The following SCAI variants were observed in gnomAD, a reference collection of about 807,000 sequenced individuals.
SCAI encodes protein SCAI.
Under a neutral mutation model 92.2 loss-of-function variants are expected in SCAI, and 24 were observed. The ratio of observed to expected loss-of-function variants is 0.26; its 90% CI spans 0.19 to 0.37. The LOEUF (loss-of-function observed/expected upper bound fraction) is 0.37. Ranked by LOEUF, SCAI falls within the 10% of genes least tolerant of loss-of-function variation. The pLI is 1.00. For missense variants in SCAI, 450 were observed against 736.2 expected (o/e 0.61, Z 4.50); for synonymous variants, 261 against 258.6 (o/e 1.01, Z -0.09).
intron 2 of SCAI, among the ~76,000 whole-genome samples, chr9:125,095,407 G>T (rs1173012922): frequency 6.6e-6 from 1 of 152,124 alleles, no homozygotes; most frequent in Non-Finnish European, 1.5e-5. Context: ...TGATAGTTAA[G>T]ACAAAAAATA....
At chr9:124,967,791 T>C (rs1393640656) in intron 17 of SCAI, among the ~76,000 whole-genome samples, 2 of 152,352 alleles carry the variant, frequency 1.3e-5, no homozygotes, top group Admixed American at 1.3e-4. Flanking sequence ...TGAATTGCTT[T>C]TGACACTTCA....
At chr9:125,078,409 T>A (rs949111893) in intron 2 of SCAI, among the ~76,000 whole-genome samples, 3 of 151,970 alleles carry the variant, frequency 2.0e-5, no homozygotes, top group Non-Finnish European at 2.9e-5. Flanking sequence ...ATGCCTGTAA[T>A]CCCAGCTACT....
At chr9:125,023,669 A>G (rs957780962) in intron 6 of SCAI, among the ~76,000 whole-genome samples, 1 of 139,688 alleles carries the variant, frequency 7.2e-6, no homozygotes, top group African/African-American at 2.7e-5. Flanking sequence ...TTGAAAATGT[A>G]AAAAAAAAAA....
At chr9:125,134,296 T>A (rs185056020) in intron 2 of SCAI, among the ~76,000 whole-genome samples, 1 of 152,302 alleles carries the variant, frequency 6.6e-6, no homozygotes, top group East Asian at 1.9e-4. Flanking sequence ...TTTGTATATA[T>A]ACAAAGTCAT....
At chr9:125,077,693 T>C (rs185123451) in intron 2 of SCAI, among the ~76,000 whole-genome samples, 4 of 152,070 alleles carry the variant, frequency 2.6e-5, no homozygotes, top group African/African-American at 9.6e-5. Flanking sequence ...TGAAGAAATG[T>C]CTACTCAGAT....
At chr9:125,110,903 T>C (rs1318314055) in intron 2 of SCAI, among the ~76,000 whole-genome samples, 3 of 152,196 alleles carry the variant, frequency 2.0e-5, no homozygotes, top group Non-Finnish European at 4.4e-5. Flanking sequence ...AAGCAGATGC[T>C]GCCATGCTTC....
intron 2 of SCAI, among the ~76,000 whole-genome samples, chr9:125,060,224 A>G (rs545816692): frequency 4.6e-5 from 7 of 151,780 alleles, no homozygotes; most frequent in South Asian, 2.1e-4. Flanking sequence ...AATGTGAGGT[A>G]TAAGTGTAAA....
chr9:125,049,974 A>G (rs1201917496), intron 3 of SCAI, among the ~76,000 whole-genome samples: 1 of 152,148 alleles, frequency 6.6e-6, no homozygotes, highest in Admixed American at 6.5e-5. Flanking sequence ...CAGCATGTGC[A>G]CTTTTCCGCA....
At chr9:125,033,839 T>A (rs1281229669) in intron 3 of SCAI, among the ~76,000 whole-genome samples, 2 of 152,180 alleles carry the variant, frequency 1.3e-5, no homozygotes, top group Non-Finnish European at 2.9e-5. Flanking sequence ...CGAGGCTCCA[T>A]ACAGAAATAA....
chr9:125,083,514 T>C (rs907636694), intron 2 of SCAI, among the ~76,000 whole-genome samples: 2 of 113,114 alleles, frequency 1.8e-5, no homozygotes, highest in Non-Finnish European at 3.4e-5. Context: ...TGAGACTCCA[T>C]CTCAAAAAAA....
At chr9:125,067,173 T>C (rs1314275653) in intron 2 of SCAI, among the ~76,000 whole-genome samples, 1 of 152,054 alleles carries the variant, frequency 6.6e-6, no homozygotes, top group East Asian at 1.9e-4. Flanking sequence ...AGAATAGAAG[T>C]AGAGACAAAG....
In SCAI at chr9:125,070,276, T is replaced by C. The variant is rs543332215; in HGVS notation, c.99-14269A>G. On this transcript the variant is annotated intron_variant, in intron 2 of 17. Transcript: ENST00000336505. Reference sequence around the variant, plus strand: ...CCACTTGGTACAGATGGCATTCCTATAATGGGAACAAATGACAGAGCTCTA... The same window carrying C: ...CCACTTGGTACAGATGGCATTCCTACAATGGGAACAAATGACAGAGCTCTA... 1.7e-4 allele frequency among the ~76,000 whole-genome samples: 26 copies of C among 152,200 alleles called. No homozygotes were observed. The East Asian group carries it at 4.2e-3, about 25-fold the overall frequency.
At chr9:124,982,853 A>C (rs911238139) in intron 14 of SCAI, among the ~76,000 whole-genome samples, 3 of 152,114 alleles carry the variant, frequency 2.0e-5, no homozygotes, top group Non-Finnish European at 4.4e-5. Flanking sequence ...TATTTCTTTA[A>C]CTGGGGTTTA....
At chr9:125,002,499 T>TTTTTTTTTTTTTTTTTTTTTTAAAA (rs1554779235) in intron 11 of SCAI, among the ~76,000 whole-genome samples, 1 of 147,220 alleles carries the variant, frequency 6.8e-6, no homozygotes, top group African/African-American at 2.6e-5. Context: ...TTTTTTTTTT[T>TTTTTTTTTTTTTTTTTTTTTTAAAA]GAAACAGAGT....
chr9:124,975,394 TCA>T lies in SCAI; in HGVS notation c.1399+718_1399+719del, dbSNP rs1288588146. ...TCCCACAGAGAGACATCAGCACTAT[TCA>T]CAGTTAGGGAGATAGTGAAACAGTG... On this transcript the variant is annotated intron_variant, in intron 15 of 17. Transcript: ENST00000336505. The T allele has an allele frequency of 6.6e-6, 3 of 456,508 alleles. No homozygotes were observed. In the East Asian group the frequency reaches 2.1e-4, roughly 32 times the overall value. The allele number at this position is 456,508 out of a possible 1,614,324, so 28.3% of individuals were successfully genotyped here.
chr9:125,139,533 G>C (rs1328145486), intron 2 of SCAI, among the ~76,000 whole-genome samples: 1 of 152,204 alleles, frequency 6.6e-6, no homozygotes, highest in Non-Finnish European at 1.5e-5. Flanking sequence ...AATTCATCTT[G>C]AAGGTTCACC....
intron 15 of SCAI, among the ~76,000 whole-genome samples, chr9:124,974,981 G>A (rs989920323): frequency 6.6e-6 from 1 of 152,074 alleles, no homozygotes. Flanking sequence ...CTTTCAGACC[G>A]AATAATCTTG....
At chr9:125,022,863 T>G (rs376033480) in intron 6 of SCAI, among the ~76,000 whole-genome samples, 1 of 152,228 alleles carries the variant, frequency 6.6e-6, no homozygotes, top group East Asian at 1.9e-4. Context: ...CTAATTATAC[T>G]TTTTGGAGTT....
At chr9:125,096,934 C>A (rs1324785004) in intron 2 of SCAI, among the ~76,000 whole-genome samples, 2 of 152,158 alleles carry the variant, frequency 1.3e-5, no homozygotes, top group African/African-American at 4.8e-5. Flanking sequence ...TGACTATTTT[C>A]CAGGATACAT....
Sources: gnomAD v4.1 joint callset for allele counts (sites outside exome capture counted in the v4.1 genomes callset) on GRCh38, gnomAD v4.1.1 for gene constraint, MANE v1.5 for transcripts, NCBI Gene and HGNC (gene_info 2026-07-23, HGNC 2026-07-21) for gene names.